The following FAM81A variants were observed in gnomAD, a reference collection of about 807,000 sequenced individuals.
The protein encoded by FAM81A is protein FAM81A.
A neutral mutation model predicts 46.7 loss-of-function variants in FAM81A; 19 were observed. That is an observed-to-expected ratio of 0.41 (90% CI 0.28 to 0.60). The LOEUF is 0.60. Among genes scored for constraint, FAM81A ranks in the 20% least tolerant of loss-of-function variants. FAM81A has a pLI of 0.34. For missense variants in FAM81A, 377 were observed against 453.5 expected (o/e 0.83, Z 1.53); for synonymous variants, 183 against 152.9 (o/e 1.20, Z -1.45).
At chr15:59,476,177 C>T (rs1188380854) in intron 3 of FAM81A, among the ~76,000 whole-genome samples, 3 of 152,092 alleles carry the variant, frequency 2.0e-5, no homozygotes, top group Non-Finnish European at 4.4e-5. Context: ...CTCTTATAGG[C>T]CCCACCTCCT....
intron 3 of FAM81A, among the ~76,000 whole-genome samples, chr15:59,466,102 C>CTT (rs1349684189): frequency 6.6e-6 from 1 of 152,166 alleles, no homozygotes; most frequent in Non-Finnish European, 1.5e-5. Context: ...TTAATCCAGT[C>CTT]TATCACTGAT....
At chr15:59,434,668 T>A (rs1301465783), upstream of FAM81A, among the ~76,000 whole-genome samples, 1 of 152,228 alleles carries the variant, frequency 6.6e-6, no homozygotes, top group Non-Finnish European at 1.5e-5. Context: ...TGACTGTTCC[T>A]TGTGGTCAAA....
At chr15:59,505,117 T>G (rs924313328) in intron 4 of FAM81A, among the ~76,000 whole-genome samples, 5 of 152,228 alleles carry the variant, frequency 3.3e-5, no homozygotes, top group Non-Finnish European at 7.3e-5. Context: ...GTTTCTTAAC[T>G]ATTTTTTCAT....
intron 2 of FAM81A, among the ~76,000 whole-genome samples, chr15:59,409,356 G>C (rs985188729): frequency 6.6e-6 from 1 of 152,094 alleles, no homozygotes; most frequent in Admixed American, 6.6e-5. Context: ...TTCCCTGCCT[G>C]ATCACCGTCC....
intron 3 of FAM81A, among the ~76,000 whole-genome samples, chr15:59,465,507 A>G (rs1024247625): frequency 2.6e-5 from 4 of 152,150 alleles, no homozygotes; most frequent in African/African-American, 4.8e-5. Context: ...TCCTGACCTC[A>G]GGTGATCCGC....
chr15:59,501,237 G>C (rs1159591340), intron 4 of FAM81A, among the ~76,000 whole-genome samples: 1 of 152,032 alleles, frequency 6.6e-6, no homozygotes, highest in Non-Finnish European at 1.5e-5. Context: ...TTGGGAAATG[G>C]GCACAATTAT....
At chr15:59,427,962 G>C (rs142244392) in intron 2 of FAM81A, among the ~76,000 whole-genome samples, 1 of 152,308 alleles carries the variant, frequency 6.6e-6, no homozygotes, top group African/African-American at 2.4e-5. Context: ...TCTATTTTTA[G>C]ATTTTTGAAG....
chr15:59,404,478 A>G (rs1435791039), intron 2 of FAM81A, among the ~76,000 whole-genome samples: 2 of 151,524 alleles, frequency 1.3e-5, no homozygotes, highest in Non-Finnish European at 2.9e-5. Flanking sequence ...GTTTTTTTTT[A>G]GAGACACAGT....
At chr15:59,517,793 A>G (rs2082282859) in intron 8 of FAM81A, among the ~76,000 whole-genome samples, 1 of 152,224 alleles carries the variant, frequency 6.6e-6, no homozygotes, top group South Asian at 2.1e-4. Context: ...GACTATTAAA[A>G]TATGGTATTT....
intron 4 of FAM81A, among the ~76,000 whole-genome samples, chr15:59,504,428 A>C (rs1268226409): frequency 6.6e-6 from 1 of 152,228 alleles, no homozygotes; most frequent in East Asian, 1.9e-4. Context: ...TAGGTGATGA[A>C]AGAGGCATAT....
rs766695080 is a variant in FAM81A, at chr15:59,507,210, C to T, written c.414-3C>T. 6.2e-7 allele frequency: 1 copy of T among 1,609,140 alleles called. No individual in the cohort carries two copies. The highest frequency in any genetic ancestry group is 8.5e-7 in the Non-Finnish European group (1 of 1,177,692). On this transcript the variant is annotated splice_region_variant and splice_polypyrimidine_tract_variant and intron_variant, in intron 4 of 8. Coordinates refer to ENST00000288228, the MANE Select transcript of FAM81A (RefSeq NM_152450.3). Reference sequence around the variant, plus strand: ...GAATCAGCTTTGTTCTTTGTCTGGACAGATGTGATGCCAGCATAGCTAGAC... The same window carrying T: ...GAATCAGCTTTGTTCTTTGTCTGGATAGATGTGATGCCAGCATAGCTAGAC...
intron 3 of FAM81A, among the ~76,000 whole-genome samples, chr15:59,491,789 A>G (rs1376984716): frequency 2.0e-5 from 3 of 152,028 alleles, no homozygotes; most frequent in Non-Finnish European, 4.4e-5. Flanking sequence ...TACTAACACA[A>G]ACTCCGTCTC....
intron 2 of FAM81A, among the ~76,000 whole-genome samples, chr15:59,432,765 GGTGA>G (rs1291413820): frequency 1.3e-5 from 2 of 152,144 alleles, no homozygotes; most frequent in South Asian, 2.1e-4. Flanking sequence ...GCTGAGGGGA[GGTGA>G]GTGAGGCAAA....
intron 4 of FAM81A, among the ~76,000 whole-genome samples, chr15:59,505,469 G>A (rs1410368291): frequency 1.7e-4 from 26 of 150,896 alleles, no homozygotes; most frequent in African/African-American, 5.6e-4. Context: ...CCGAGATCAC[G>A]CCACTGCACT....
chr15:59,464,890 G>A (rs1047625203), intron 3 of FAM81A, among the ~76,000 whole-genome samples: 1 of 152,052 alleles, frequency 6.6e-6, no homozygotes, highest in African/African-American at 2.4e-5. Context: ...TCTTCTCCTA[G>A]ACCAGTGTCC....
chr15:59,463,868 A>G (rs1460090936), intron 3 of FAM81A, among the ~76,000 whole-genome samples: 9 of 152,048 alleles, frequency 5.9e-5, no homozygotes, highest in African/African-American at 2.2e-4. Flanking sequence ...ATAATTATAC[A>G]TATTCTTGGG....
At chr15:59,413,822 G>C (rs1293355099) in intron 2 of FAM81A, among the ~76,000 whole-genome samples, 4 of 152,184 alleles carry the variant, frequency 2.6e-5, no homozygotes, top group African/African-American at 7.2e-5. Context: ...AAACCTATTT[G>C]CTTGGGAAGC....
At chr15:59,516,226 A>G (rs2082265198) in intron 7 of FAM81A, among the ~76,000 whole-genome samples, 1 of 151,662 alleles carries the variant, frequency 6.6e-6, no homozygotes, top group Admixed American at 6.6e-5. Flanking sequence ...CCCCTGTTCA[A>G]GTGATTCTCC....
intron 7 of FAM81A, 148 bp from the exon 8 acceptor site, chr15:59,516,497 A>C: frequency 1.4e-6 from 1 of 727,092 alleles, no homozygotes; most frequent in Non-Finnish European, 2.2e-6. Flanking sequence ...TTAAGGAAGA[A>C]AGGGAGAACG....
Sources: allele counts gnomAD v4.1 joint callset (sites outside exome capture counted in the v4.1 genomes callset), GRCh38; gene constraint gnomAD v4.1.1; transcripts MANE v1.5; gene names NCBI Gene and HGNC (gene_info 2026-07-23, HGNC 2026-07-21).